The following CNTNAP5 variants were observed in gnomAD, a reference collection of about 807,000 sequenced individuals.
CNTNAP5 encodes contactin associated protein family member 5.
CNTNAP5 carries 72 observed loss-of-function variants against 150.2 expected under a neutral mutation model. That is an observed-to-expected ratio of 0.48 (90% CI 0.40 to 0.58). CNTNAP5 has a LOEUF of 0.58. CNTNAP5 is among the 20% of genes least tolerant of loss of function. CNTNAP5 has a pLI of 0.00. For missense variants in CNTNAP5, 1,636 were observed against 1,626.2 expected (o/e 1.01, Z -0.10); for synonymous variants, 672 against 619.8 (o/e 1.08, Z -1.25).
At chr2:124,534,985 C>A (rs997550711) in intron 10 of CNTNAP5, among the ~76,000 whole-genome samples, 1 of 152,210 alleles carries the variant, frequency 6.6e-6, no homozygotes, top group African/African-American at 2.4e-5. Flanking sequence ...AAGCCTCTGA[C>A]AGGTTCAGTG....
At chr2:124,217,679 C>T (rs951959194) in intron 1 of CNTNAP5, among the ~76,000 whole-genome samples, 1 of 152,080 alleles carries the variant, frequency 6.6e-6, no homozygotes, top group African/African-American at 2.4e-5. Context: ...AATTTGTGGG[C>T]AAGTTTTGTG....
chr2:124,919,426 A>G lies in CNTNAP5; in HGVS notation c.*5138A>G, dbSNP rs72965822. 0.031 allele frequency among the ~76,000 whole-genome samples: 4,745 copies of G among 152,226 alleles called. 272 individuals are homozygous for G. Among genetic ancestry groups the G allele is most frequent in the African/African-American group, 0.11 (4,448 of 41,546 alleles). The stretch of plus-strand genomic sequence containing the variant: ...TTATGTAATGTTTATAGTCTACAAA[A>G]TGGCTGAGCAGACATGAACAAAGGT... On this transcript the variant is annotated 3_prime_UTR_variant, in exon 24 of 24. Coordinates refer to ENST00000682447, the MANE Select transcript of CNTNAP5 (RefSeq NM_001367498.1).
At chr2:124,580,662 A>G (rs886607867) in intron 11 of CNTNAP5, among the ~76,000 whole-genome samples, 3 of 152,288 alleles carry the variant, frequency 2.0e-5, no homozygotes, top group Admixed American at 6.5e-5. Flanking sequence ...ACGTTTGGTC[A>G]TGATGCCCAG....
At chr2:124,137,430 C>T (rs1463089707) in intron 1 of CNTNAP5, among the ~76,000 whole-genome samples, 4 of 151,944 alleles carry the variant, frequency 2.6e-5, no homozygotes, top group Non-Finnish European at 2.9e-5. Flanking sequence ...GTAGAGAAAA[C>T]TTCAGTGAAG....
At chr2:124,718,666 T>G (rs1490335936) in intron 13 of CNTNAP5, among the ~76,000 whole-genome samples, 1 of 152,066 alleles carries the variant, frequency 6.6e-6, no homozygotes, top group African/African-American at 2.4e-5. Context: ...ACCAGATACT[T>G]AGTGACCACT....
At chr2:124,428,749 C>T (rs948413297) in intron 4 of CNTNAP5, among the ~76,000 whole-genome samples, 3 of 151,246 alleles carry the variant, frequency 2.0e-5, no homozygotes, top group African/African-American at 7.3e-5. Context: ...CTACTAAGAA[C>T]ATTACCTTAG....
chr2:124,406,623 A>C (rs1245634903), intron 3 of CNTNAP5, among the ~76,000 whole-genome samples: 1 of 152,224 alleles, frequency 6.6e-6, no homozygotes, highest in Non-Finnish European at 1.5e-5. Context: ...TGATACATAC[A>C]CAGAATGTGC....
chr2:124,704,085 A>G (rs1466459197), intron 13 of CNTNAP5, among the ~76,000 whole-genome samples: 1 of 152,322 alleles, frequency 6.6e-6, no homozygotes, highest in East Asian at 1.9e-4. Context: ...AAAACACAGA[A>G]GGTCAAGGAT....
chr2:124,084,302 T>C (rs1471318898), intron 1 of CNTNAP5, among the ~76,000 whole-genome samples: 1 of 152,094 alleles, frequency 6.6e-6, no homozygotes, highest in East Asian at 1.9e-4. Context: ...CGTCTCGCTT[T>C]GTTACCCAGG....
chr2:124,490,055 T>C (rs932276749), intron 7 of CNTNAP5, among the ~76,000 whole-genome samples: 8 of 152,096 alleles, frequency 5.3e-5, no homozygotes, highest in Non-Finnish European at 1.2e-4. Flanking sequence ...AGTGGCTTAA[T>C]TATTATTAAT....
intron 4 of CNTNAP5, among the ~76,000 whole-genome samples, chr2:124,430,646 C>T (rs1386155595): frequency 6.6e-6 from 1 of 152,110 alleles, no homozygotes; most frequent in Non-Finnish European, 1.5e-5. Flanking sequence ...TATGATGTTT[C>T]TTATGCTTTT....
chr2:124,395,482 A>G (rs1447455618), intron 3 of CNTNAP5, among the ~76,000 whole-genome samples: 1 of 152,116 alleles, frequency 6.6e-6, no homozygotes, highest in Non-Finnish European at 1.5e-5. Context: ...TCTACATCCA[A>G]TAAATATTCT....
chr2:124,419,594 G>T (rs1692029727), intron 4 of CNTNAP5, among the ~76,000 whole-genome samples: 1 of 152,128 alleles, frequency 6.6e-6, no homozygotes, highest in South Asian at 2.1e-4. Flanking sequence ...TTCCATGTAG[G>T]CTCCAGGTCT....
intron 12 of CNTNAP5, among the ~76,000 whole-genome samples, chr2:124,612,377 A>G (rs565863754): frequency 6.6e-6 from 1 of 151,748 alleles, no homozygotes; most frequent in South Asian, 2.1e-4. Context: ...GATTTTCCCT[A>G]TTAAAATATA....
Position 124,025,530 on chromosome 2 carries a change from C to A in CNTNAP5, c.-121C>A, listed in dbSNP as rs1573698711. 2 of 771,858 alleles carry A rather than the reference C, an allele frequency of 2.6e-6. No individual in the cohort carries two copies. Among genetic ancestry groups the A allele is most frequent in the Non-Finnish European group, 4.5e-6 (2 of 447,756 alleles). The allele number at this position is 771,858 out of a possible 1,614,324, so 47.8% of individuals were successfully genotyped here. ...ACGGGATGGAGTGAAAGAGCGAGTG[C>A]CTCTCCAAGCGGGGGTGGGAGGGGG... On this transcript the variant is annotated 5_prime_UTR_variant, in exon 1 of 24. Transcript: ENST00000682447.
At chr2:124,655,360 T>C (rs1350188034) in intron 13 of CNTNAP5, among the ~76,000 whole-genome samples, 1 of 152,170 alleles carries the variant, frequency 6.6e-6, no homozygotes, top group East Asian at 1.9e-4. Flanking sequence ...TTCCATGGTG[T>C]ATATGTGCCA....
chr2:124,653,904 G>C (rs1573525157), intron 13 of CNTNAP5, among the ~76,000 whole-genome samples: 29 of 39,566 alleles, frequency 7.3e-4, no homozygotes, highest in African/African-American at 9.8e-4. Context: ...TGCCCCCACT[G>C]CCCCCAACCC....
chr2:124,397,866 G>C (rs564822071), intron 3 of CNTNAP5, among the ~76,000 whole-genome samples: 2 of 149,646 alleles, frequency 1.3e-5, no homozygotes, highest in Non-Finnish European at 3.0e-5. Context: ...GGGATAGCAC[G>C]TGAAATGAAG....
intron 1 of CNTNAP5, among the ~76,000 whole-genome samples, chr2:124,134,819 G>A (rs1215224521): frequency 6.6e-6 from 1 of 152,142 alleles, no homozygotes; most frequent in Non-Finnish European, 1.5e-5. Flanking sequence ...CAGAAGAAAG[G>A]TTACATTGTA....
Sources: gnomAD v4.1 joint callset for allele counts (sites outside exome capture counted in the v4.1 genomes callset) on GRCh38, gnomAD v4.1.1 for gene constraint, MANE v1.5 for transcripts, NCBI Gene and HGNC (gene_info 2026-07-23, HGNC 2026-07-21) for gene names.